SMARCC2: variants seen among roughly 807,000 people sequenced by gnomAD.
SMARCC2 encodes the protein SWI/SNF related BAF chromatin remodeling complex subunit C2, also known as SWI/SNF complex subunit SMARCC2.
Under a neutral mutation model 151.3 loss-of-function variants are expected in SMARCC2, and 15 were observed. The ratio of observed to expected loss-of-function variants is 0.10; its 90% CI spans 0.07 to 0.15. The LOEUF (loss-of-function observed/expected upper bound fraction) is 0.15, where lower values mean the gene tolerates loss of function less well. Ranked by LOEUF, SMARCC2 falls within the 10% of genes least tolerant of loss-of-function variation. The pLI is 1.00. For missense variants in SMARCC2, 1,031 were observed against 1,599.7 expected, an observed-to-expected ratio of 0.64 and a Z score of 6.06; for synonymous variants, 590 against 609.5, an observed-to-expected ratio of 0.97 and a Z score of 0.47.
In SMARCC2 at chr12:56,168,073, C is replaced by T. The variant is rs1204757552; in HGVS notation, c.2837G>A (p.Arg946Gln). 4 of 1,614,064 alleles carry T rather than the reference C, an allele frequency of 2.5e-6. No homozygotes were observed. The highest frequency in any genetic ancestry group is 2.2e-5 in the South Asian group (2 of 91,076). The change falls in exon 26 of 29, where the codon CGG becomes CAG. Residue 946 changes from arginine to glutamine, a missense_variant. By Grantham distance (43) the Arg-to-Gln change is conservative (BLOSUM62 1). Around this residue, in one of 12 missense-constraint regions of SMARCC2, gnomAD observed 49 missense variants for 134.8 expected, o/e 0.36. Transcript: ENST00000550164. The part of the protein sequence containing the change: ...HFEELETIMD[R>Q]EREALEYQRQ... ...CCTGCTACTCACTGCTTCTCGCTCC[C>T]GGTCCATGATAGTCTCCAGCTCCTC...
At chr12:56,187,155 C>A in intron 2 of SMARCC2, 32 bp downstream of exon 2, 1 of 1,576,314 alleles carries the variant, frequency 6.3e-7, no homozygotes, top group Non-Finnish European at 8.7e-7. Context: ...ACCACCACCA[C>A]CCCCCACCCT....
chr12:56,163,643 C>T lies in SMARCC2; in HGVS notation c.*46G>A, dbSNP rs771475231. Reference sequence around the variant, plus strand: ...GTGGGGGAAGGGCTGTTCCTGGAACCGTGATGTCCACAGGGGGTGAGGGGG... The same window carrying T: ...GTGGGGGAAGGGCTGTTCCTGGAACTGTGATGTCCACAGGGGGTGAGGGGG... On this transcript the variant is annotated 3_prime_UTR_variant, in exon 29 of 29. Transcript: ENST00000550164. The T allele has an allele frequency of 1.2e-5, 13 of 1,121,692 alleles. 1 individual carries two copies. The highest frequency in any genetic ancestry group is 3.4e-5 in the South Asian group (2 of 58,968). 69.5% of individuals were successfully genotyped at this position (1,121,692 alleles called of 1,614,324 possible).
In SMARCC2 at chr12:56,169,603, C is replaced by T; in HGVS notation, c.2641G>A (p.Glu881Lys). Residue 881 changes from glutamate to lysine, a missense_variant, in exon 25 of 29, where the codon GAG becomes AAG. By Grantham distance (56) the Glu-to-Lys change is moderately conservative. Transcript: ENST00000550164. Reference sequence around the variant, plus strand: ...AGGTTGCCCTCGCCAATGTCCCGCTCCACCTTTGTCTTCCTTTCCCCCTCA... The same window carrying T: ...AGGTTGCCCTCGCCAATGTCCCGCTTCACCTTTGTCTTCCTTTCCCCCTCA... Reference protein sequence around the residue: ...ESEGERKTKVERDIGEGNLST... With the variant: ...ESEGERKTKVKRDIGEGNLST... 6.2e-7 allele frequency: 1 copy of T among 1,614,066 alleles called. No homozygotes were observed. The highest frequency in any genetic ancestry group is 8.5e-7 in the Non-Finnish European group (1 of 1,179,970).
chr12:56,186,046 G>T, intron 3 of SMARCC2, 109 bp downstream of exon 3: 1 of 835,574 alleles, frequency 1.2e-6, no homozygotes, highest in South Asian at 1.5e-5. Flanking sequence ...TACTGACCCA[G>T]CAAAATAAAG....
Position 56,189,367 on chromosome 12 carries a change from C to G in SMARCC2, c.95G>C (p.Gly32Ala), listed in dbSNP as rs1255752226. 2 of 1,533,734 alleles carry G rather than the reference C, an allele frequency of 1.3e-6. No individual in the cohort carries two copies. The highest frequency in any genetic ancestry group is 2.9e-5 in the African/African-American group (2 of 70,080). The change falls in exon 1 of 29, where the codon GGC becomes GCC. Residue 32 changes from glycine to alanine, a missense_variant. This residue lies in a region of SMARCC2 where 50 missense variants were observed against 52.4 expected (regional missense o/e 0.95). Coordinates refer to ENST00000550164, the MANE Select transcript of SMARCC2 (RefSeq NM_001330288.2). ...TQFDNVRLWL[G>A]KNYKKYIQAE... ...CCCGCGTACCTTCTTGTAGTTCTTG[C>G]CGAGCCACAGCCGCACGTTGTCGAA...
intron 16 of SMARCC2, 137 bp downstream of exon 16, chr12:56,174,514 C>G: frequency 1.6e-6 from 1 of 629,140 alleles, no homozygotes; most frequent in Non-Finnish European, 2.9e-6. Flanking sequence ...TTCCCCAAAC[C>G]TGTACTTCAC....
chr12:56,169,953 G>A (rs1278000310), intron 23 of SMARCC2, 42 bp from the exon 24 acceptor site: 1 of 1,589,068 alleles, frequency 6.3e-7, no homozygotes, highest in African/African-American at 1.3e-5. Context: ...TCAGGGATTA[G>A]GGTGATTAGT....
chr12:56,165,311 C>T lies in SMARCC2; in HGVS notation c.3232+7G>A, dbSNP rs1872566206. The T allele has an allele frequency of 1.3e-6, 2 of 1,487,540 alleles. No homozygotes were observed. Among genetic ancestry groups the T allele is most frequent in the African/African-American group, 2.8e-5 (2 of 70,684 alleles). 92.1% of individuals were successfully genotyped at this position (1,487,540 alleles called of 1,614,324 possible). ...AGCCAACAAAAGTTCTGGAACATAA[C>T]ACTTACCATGGGGTCCAGGGGGGGG... is the stretch of plus-strand genomic sequence containing the variant. On this transcript the variant is annotated splice_region_variant and intron_variant, in intron 27 of 28. Coordinates refer to ENST00000550164, the MANE Select transcript of SMARCC2 (RefSeq NM_001330288.2).
At chr12:56,169,056 G>A (rs1206160258) in intron 25 of SMARCC2, among the ~76,000 whole-genome samples, 6 of 152,142 alleles carry the variant, frequency 3.9e-5, no homozygotes, top group Admixed American at 3.9e-4. Flanking sequence ...CAGTTTGGGA[G>A]GCCAAAGCGG....
intron 15 of SMARCC2, among the ~76,000 whole-genome samples, chr12:56,177,173 T>C (rs1157207506): frequency 6.6e-6 from 1 of 151,768 alleles, no homozygotes; most frequent in African/African-American, 2.4e-5. Context: ...CGCGATCTCC[T>C]GACCTTGTGA....
Position 56,178,857 on chromosome 12 carries a change from A to G in SMARCC2, c.1142-10T>C. 6.2e-7 allele frequency: 1 copy of G among 1,614,094 alleles called. No individual in the cohort carries two copies. Among genetic ancestry groups the G allele is most frequent in the South Asian group, 1.1e-5 (1 of 91,078 alleles). ...TCATCTTCCTGTTCATCTGAAAGAG[A>G]AAAACCAAGATGTAAGGCTGGAGCC... On this transcript the variant is annotated splice_polypyrimidine_tract_variant and intron_variant, in intron 12 of 28. Coordinates refer to ENST00000550164, the MANE Select transcript of SMARCC2 (RefSeq NM_001330288.2).
rs774633383 is a variant in SMARCC2 at position 56,173,676 on chromosome 12, C to T, written c.1650+20G>A. On this transcript the variant is annotated intron_variant, in intron 17 of 28. Coordinates refer to ENST00000550164, the MANE Select transcript of SMARCC2 (RefSeq NM_001330288.2). ...CCCAATCTTCCCAACCCGCCCCATC[C>T]CCATAGCACCTCACCCTACCTGAGG... 11 of 1,589,140 alleles carry T rather than the reference C, an allele frequency of 6.9e-6. No individual in the cohort carries two copies. In the South Asian group the frequency reaches 7.9e-5, roughly 11 times the overall value.
intron 27 of SMARCC2, 120 bp from the exon 28 acceptor site, chr12:56,164,851 C>T (rs547201164): frequency 2.1e-5 from 18 of 860,412 alleles, no homozygotes; most frequent in Non-Finnish European, 3.0e-5. Context: ...TGCAGTGGCA[C>T]GATCTTGGCT....
intron 1 of SMARCC2, among the ~76,000 whole-genome samples, chr12:56,188,753 C>T (rs1467510152): frequency 6.6e-6 from 1 of 152,134 alleles, no homozygotes; most frequent in Non-Finnish European, 1.5e-5. Context: ...CTCCTATACC[C>T]CGGCTCCCTG....
intron 17 of SMARCC2, 114 bp downstream of exon 17, chr12:56,173,582 A>T: frequency 1.0e-6 from 1 of 954,124 alleles, no homozygotes; most frequent in Non-Finnish European, 1.6e-6. Flanking sequence ...ATCCCATGGA[A>T]AAGGAAGAAG....
Position 56,176,934 on chromosome 12 carries a change from G to A in SMARCC2, c.1382+1088C>T, listed in dbSNP as rs112998812. Among the ~76,000 whole-genome samples the A allele has an allele frequency of 3.2e-3, 493 of 152,186 alleles. 2 individuals carry two copies. The highest frequency in any genetic ancestry group is 6.0e-3 in the Non-Finnish European group (411 of 68,002). ...CCTCCCGGGTTCAAGCGATTCTCCT[G>A]CCTCAGCCTCCCTAGTAGTTGGGAT... On this transcript the variant is annotated intron_variant, in intron 15 of 28. Coordinates refer to ENST00000550164, the MANE Select transcript of SMARCC2 (RefSeq NM_001330288.2).
rs980108235 is a variant in SMARCC2, at chr12:56,180,915, T to C, written c.1081+62A>G. ...CTGAGAAATCAGCTCACTTGGGGTT[T>C]GGCAAAGGAGAGTCAAGACGGGGAG... On this transcript the variant is annotated intron_variant, in intron 11 of 28. Coordinates refer to ENST00000550164, the MANE Select transcript of SMARCC2 (RefSeq NM_001330288.2). 24 of 1,543,668 alleles carry C rather than the reference T, an allele frequency of 1.6e-5. No individual in the cohort carries two copies. The African/African-American group carries it at 3.2e-4, about 20-fold the overall frequency.
In SMARCC2 at chr12:56,171,398, C is replaced by T. The variant is rs558065615; in HGVS notation, c.2220G>A (p.Thr740=). 8.1e-6 allele frequency: 13 copies of T among 1,614,206 alleles called. No homozygotes were observed. The highest frequency in any genetic ancestry group is 6.6e-5 in the South Asian group (6 of 91,088). ...TTCGAACATGGGCCTCCACCAAGGCCGTGGGTACCTCTTCCTTCATTTTGG... is the reference window on the plus strand; with the variant it reads ...TTCGAACATGGGCCTCCACCAAGGCTGTGGGTACCTCTTCCTTCATTTTGG... ...EFSKMKEEVP[T]ALVEAHVRKV... Residue 740 remains threonine, a synonymous_variant, in exon 22 of 29, where the codon ACG becomes ACA. Transcript: ENST00000550164. This position sits in a 1 kb window ranked among gnomAD's most constrained non-coding sequence, Gnocchi z 4.2.
At chr12:56,177,970 T>C in intron 15 of SMARCC2, 52 bp downstream of exon 15, 1 of 1,206,814 alleles carries the variant, frequency 8.3e-7, no homozygotes, top group Non-Finnish European at 1.2e-6. Context: ...TCAGGAAGGG[T>C]GAATGTGGGG....
Sources: gnomAD v4.1 joint callset for allele counts (sites outside exome capture counted in the v4.1 genomes callset) on GRCh38, gnomAD v4.1.1 for gene constraint, gnomAD v4.1.1 regional missense constraint, Gnocchi (gnomAD v3.1) non-coding constraint, MANE v1.5 for transcripts, NCBI Gene and HGNC (gene_info 2026-07-23, HGNC 2026-07-21) for gene names.